The following TFDP1 variants were observed in gnomAD, a reference collection of about 807,000 sequenced individuals.
The protein encoded by TFDP1 is DRTF1-polypeptide 1.
TFDP1 carries 6 observed loss-of-function variants against 48.0 expected under a neutral mutation model. That is an observed-to-expected ratio of 0.13 (90% CI 0.07 to 0.25). TFDP1 has a LOEUF of 0.25. TFDP1 is among the 10% of genes least tolerant of loss of function. The probability of loss-of-function intolerance (pLI) is 1.00; values close to 1 mark genes in which losing one functional copy is unlikely to be tolerated. For missense variants in TFDP1, 335 were observed against 543.0 expected (o/e 0.62, Z 3.81); for synonymous variants, 201 against 211.6 (o/e 0.95, Z 0.44).
chr13:113,589,174 G>A (rs1316207949), intron 2 of TFDP1, among the ~76,000 whole-genome samples: 1 of 152,162 alleles, frequency 6.6e-6, no homozygotes, highest in African/African-American at 2.4e-5. Flanking sequence ...CTGTTGTCTT[G>A]CTCAGGGACT....
At position 113,612,388 on chromosome 13, in the gene TFDP1, G is replaced by A. The variant is rs987277897; in HGVS notation, c.79+1326G>A. ...CTGGCCCTGCTCTTCTGCTGAAGCA[G>A]GTCCTTCCCTGCCGCTTTTCTAGGA... On this transcript the variant is annotated intron_variant, in intron 3 of 11. Transcript: ENST00000375370. Among the ~76,000 whole-genome samples the A allele has an allele frequency of 3.3e-5, 5 of 152,348 alleles. No homozygotes were observed. In the East Asian group the frequency reaches 7.7e-4, roughly 24 times the overall value.
At chr13:113,620,268 A>G (rs1397457175) in intron 3 of TFDP1, among the ~76,000 whole-genome samples, 1 of 152,158 alleles carries the variant, frequency 6.6e-6, no homozygotes, top group Non-Finnish European at 1.5e-5. Context: ...ACACTCCCTG[A>G]TGGGGCAGGA....
In TFDP1 at chr13:113,598,188, G is replaced by A. The variant is rs1031441814; in HGVS notation, c.12+12339G>A. ...ACCCCAGCCCTGGAAAACCGTGCCT[G>A]CCAGGTTCATACCACACAACCCGGT... On this transcript the variant is annotated intron_variant, in intron 2 of 11. Coordinates refer to ENST00000375370, the MANE Select transcript of TFDP1 (RefSeq NM_007111.5). This position sits in a 1 kb window ranked among gnomAD's most constrained non-coding sequence, Gnocchi z 4.2. 6.6e-6 allele frequency among the ~76,000 whole-genome samples: 1 copy of A among 152,152 alleles called. No individual in the cohort carries two copies. Among genetic ancestry groups the A allele is most frequent in the Non-Finnish European group, 1.5e-5 (1 of 68,024 alleles).
intron 3 of TFDP1, among the ~76,000 whole-genome samples, chr13:113,615,812 T>C (rs2048843050): frequency 6.6e-6 from 1 of 152,120 alleles, no homozygotes; most frequent in Admixed American, 6.6e-5. Context: ...CTTGGGAGGC[T>C]GGGGCAGGAG....
chr13:113,623,493 G>A lies in TFDP1; in HGVS notation c.186+207G>A, dbSNP rs1159375424. On this transcript the variant is annotated intron_variant, in intron 4 of 11. Transcript: ENST00000375370. The surrounding 1 kb of genome is among the most constrained non-coding windows in gnomAD (Gnocchi z 5.2). ...CACGTGTTGTTGTGGGAGAGGTGAT[G>A]GCGCCCACAGCACTCCTGTGTGCCC... Among the ~76,000 whole-genome samples, 4 of 152,166 alleles carry A rather than the reference G, an allele frequency of 2.6e-5. No homozygotes were observed. Among genetic ancestry groups the A allele is most frequent in the Non-Finnish European group, 2.9e-5 (2 of 68,026 alleles).
chr13:113,627,815 C>T lies in TFDP1; in HGVS notation c.187-3808C>T, dbSNP rs1369511093. 6.6e-6 allele frequency among the ~76,000 whole-genome samples: 1 copy of T among 152,140 alleles called. No homozygotes were observed. The highest frequency in any genetic ancestry group is 1.5e-5 in the Non-Finnish European group (1 of 68,034). ...GATCTGAGGTGGGACAGTTTCTTCC[C>T]GAAACTACCCCCGACTCCGGTCTGT... On this transcript the variant is annotated intron_variant, in intron 4 of 11. Coordinates refer to ENST00000375370, the MANE Select transcript of TFDP1 (RefSeq NM_007111.5). The surrounding 1 kb of genome is among the most constrained non-coding windows in gnomAD (Gnocchi z 4.1).
intron 1 of TFDP1, chr13:113,585,302 G>A (rs1456204251): frequency 6.6e-6 from 1 of 151,196 alleles, no homozygotes; most frequent in African/African-American, 2.4e-5. Flanking sequence ...CCTAGTGACA[G>A]GCGCGCGGCG....
In TFDP1 at chr13:113,631,575, G is replaced by A. The variant is rs374981390; in HGVS notation, c.187-48G>A. ...AACAGATGGTGGGCATGGCACCCTC[G>A]CCGTGTGGGAGGGGACTGACTGTCT... On this transcript the variant is annotated intron_variant, in intron 4 of 11. Transcript: ENST00000375370. The A allele has an allele frequency of 5.6e-5, 88 of 1,580,790 alleles. No individual in the cohort carries two copies. The African/African-American group carries it at 6.7e-4, about 12-fold the overall frequency.
chr13:113,586,072 TGGGTGGTGATG>T (rs1230559725), intron 2 of TFDP1: 1 of 440,618 alleles, frequency 2.3e-6, no homozygotes, highest in Non-Finnish European at 4.1e-6. Flanking sequence ...ACACTGCAGT[TGGGTGGTGATG>T]GGGTGGTGCC....
At chr13:113,613,697 G>A (rs1417495873) in intron 3 of TFDP1, among the ~76,000 whole-genome samples, 2 of 149,098 alleles carry the variant, frequency 1.3e-5, no homozygotes, top group African/African-American at 2.5e-5. Context: ...GTGTGTGTAT[G>A]CGTGAATGCG....
chr13:113,595,797 TGGC>T (rs1296364863), intron 2 of TFDP1, among the ~76,000 whole-genome samples: 1 of 152,226 alleles, frequency 6.6e-6, no homozygotes, highest in African/African-American at 2.4e-5. Flanking sequence ...AAAGTATTAA[TGGC>T]GGCCGGGTGC....
chr13:113,591,101 G>A (rs1379506486), intron 2 of TFDP1, among the ~76,000 whole-genome samples: 3 of 151,056 alleles, frequency 2.0e-5, no homozygotes, highest in Admixed American at 6.6e-5. Flanking sequence ...CTGTAATCCC[G>A]GAGGCCAAGG....
Position 113,585,756 on chromosome 13 carries a change from T to C in TFDP1, c.-64-18T>C. ...CTTATTTCTTGTTTTTCCTTACTTT[T>C]TTTTTTTTTTTTACCAGAAAAATCA... is the stretch of plus-strand genomic sequence containing the variant. On this transcript the variant is annotated intron_variant, in intron 1 of 11. Coordinates refer to ENST00000375370, the MANE Select transcript of TFDP1 (RefSeq NM_007111.5). The C allele has an allele frequency of 5.5e-6, 7 of 1,282,918 alleles. No homozygotes were observed. In the African/African-American group the frequency reaches 9.1e-5, roughly 17 times the overall value. The allele number at this position is 1,282,918 out of a possible 1,614,324, so 79.5% of individuals were successfully genotyped here. A position where few individuals can be genotyped will look rare whatever the true frequency, so the allele number is the denominator to read the frequency against.
intron 4 of TFDP1, among the ~76,000 whole-genome samples, chr13:113,629,733 G>A (rs192326560): frequency 5.3e-4 from 81 of 152,214 alleles, no homozygotes; most frequent in African/African-American, 1.9e-3. Context: ...CGGGTTTATC[G>A]GGATGTTCCT....
At chr13:113,635,208 G>A (rs1166576359) in intron 8 of TFDP1, among the ~76,000 whole-genome samples, 1 of 152,152 alleles carries the variant, frequency 6.6e-6, no homozygotes, top group Non-Finnish European at 1.5e-5. Flanking sequence ...GGTGTGGAGG[G>A]GGTTGTGTGC....
chr13:113,607,883 C>G lies in TFDP1; in HGVS notation c.13-3113C>G, dbSNP rs1210409295. ...TCGACGGGGCAGAGTGAGAAACATCCAGGCCACCTGTGCCGCAGCCCCCAT... is the reference window on the plus strand; with the variant it reads ...TCGACGGGGCAGAGTGAGAAACATCGAGGCCACCTGTGCCGCAGCCCCCAT... On this transcript the variant is annotated intron_variant, in intron 2 of 11. Coordinates refer to ENST00000375370, the MANE Select transcript of TFDP1 (RefSeq NM_007111.5). The surrounding 1 kb of genome is among the most constrained non-coding windows in gnomAD (Gnocchi z 5.2). 1.3e-5 allele frequency among the ~76,000 whole-genome samples: 2 copies of G among 152,232 alleles called. No individual in the cohort carries two copies. Among genetic ancestry groups the G allele is most frequent in the Admixed American group, 6.5e-5 (1 of 15,290 alleles).
rs368770510 is a variant in TFDP1 at position 113,606,471 on chromosome 13, C to T, written c.13-4525C>T. ...TCCTGGTGGAAGGGCCAGGGAGCCC[C>T]TTTATCAGGGCACATACTCCATCCA... On this transcript the variant is annotated intron_variant, in intron 2 of 11. Transcript: ENST00000375370. 1.2e-4 allele frequency among the ~76,000 whole-genome samples: 18 copies of T among 152,212 alleles called. No homozygotes were observed. In the East Asian group the frequency reaches 1.4e-3, roughly 11 times the overall value.
chr13:113,596,270 G>A (rs576562520), intron 2 of TFDP1, among the ~76,000 whole-genome samples: 7 of 152,352 alleles, frequency 4.6e-5, no homozygotes, highest in Non-Finnish European at 8.8e-5. Context: ...TGGGAGTTCA[G>A]CCTCTGACTT....
chr13:113,620,322 G>A (rs2048966900), intron 3 of TFDP1, among the ~76,000 whole-genome samples: 1 of 152,244 alleles, frequency 6.6e-6, no homozygotes, highest in Admixed American at 6.5e-5. Context: ...TGCTACCTGT[G>A]GTGCTGGTGG....
Sources: allele counts gnomAD v4.1 joint callset (sites outside exome capture counted in the v4.1 genomes callset), GRCh38; gene constraint gnomAD v4.1.1; non-coding constraint Gnocchi (gnomAD v3.1); transcripts MANE v1.5; gene names NCBI Gene and HGNC (gene_info 2026-07-23, HGNC 2026-07-21).